The following CAST variants were observed in gnomAD, a reference collection of about 807,000 sequenced individuals.
The protein encoded by CAST is MIR583 host.
CAST carries 76 observed loss-of-function variants against 119.6 expected under a neutral mutation model. That is an observed-to-expected ratio of 0.64 (90% confidence interval 0.53 to 0.77). The LOEUF (loss-of-function observed/expected upper bound fraction) is 0.77, where lower values mean the gene tolerates loss of function less well. Ranked by LOEUF, CAST falls within the 30% of genes least tolerant of loss-of-function variation. The pLI is 0.00. For synonymous variants in CAST, 319 were observed against 331.6 expected, an observed-to-expected ratio of 0.96 and a Z score of 0.41; for missense variants, 953 against 946.5, an observed-to-expected ratio of 1.01 and a Z score of -0.09.
At chr5:96,363,911 A>G in the CAST span, among the ~76,000 whole-genome samples, 1 of 152,168 alleles carries the variant, frequency 6.6e-6, no homozygotes, top group Non-Finnish European at 1.5e-5. Context: ...GTCTTTTGCC[A>G]GTTTTCAAAG....
At chr5:96,142,595 G>A in the CAST span, among the ~76,000 whole-genome samples, 1 of 152,134 alleles carries the variant, frequency 6.6e-6, no homozygotes, top group African/African-American at 2.4e-5. Context: ...ATTATACTAG[G>A]TTGGCACTTC....
chr5:96,457,192 T>C, the CAST span, among the ~76,000 whole-genome samples: 1 of 152,184 alleles, frequency 6.6e-6, no homozygotes, highest in African/African-American at 2.4e-5. Flanking sequence ...TCCTCACATC[T>C]GACTAATTCT....
intron 1 of CAST, among the ~76,000 whole-genome samples, chr5:96,647,083 G>T (rs1748023205): frequency 6.6e-6 from 1 of 152,128 alleles, no homozygotes; most frequent in Admixed American, 6.5e-5. Context: ...GGAACTGCTG[G>T]CATGTTTGTG....
intron 1 of CAST, among the ~76,000 whole-genome samples, chr5:96,641,817 C>G (rs1455511257): frequency 2.0e-5 from 3 of 152,202 alleles, no homozygotes; most frequent in Non-Finnish European, 4.4e-5. Flanking sequence ...TTCCTGCATG[C>G]TCACAAAGCT....
chr5:96,372,018 TA>T, the CAST span, among the ~76,000 whole-genome samples: 4 of 152,222 alleles, frequency 2.6e-5, no homozygotes, highest in African/African-American at 9.6e-5. Context: ...TAACATTTAT[TA>T]AGTACCAATA....
the CAST span, chr5:95,965,339 T>C: frequency 6.6e-6 from 1 of 152,220 alleles, no homozygotes; most frequent in African/African-American, 2.4e-5. Flanking sequence ...TTCTGGACAC[T>C]AAAAAAGTTT....
rs1277088639 is a variant in CAST at position 96,616,216 on chromosome 5, C to T, written c.61-59323C>T. Among the ~76,000 whole-genome samples, 4 of 152,206 alleles carry T rather than the reference C, an allele frequency of 2.6e-5. No homozygotes were observed. The East Asian group carries it at 5.8e-4, about 22-fold the overall frequency. On this transcript the variant is annotated intron_variant, in intron 1 of 11. Coordinates refer to the CAST transcript ENST00000505143. The stretch of plus-strand genomic sequence containing the variant: ...GCATCCTTCAATCCAATCAAGTTGA[C>T]ACTCAGTATTAACCATCACAGTTTA...
the CAST span, among the ~76,000 whole-genome samples, chr5:96,080,755 C>T: frequency 1.3e-5 from 2 of 152,108 alleles, no homozygotes; most frequent in African/African-American, 4.8e-5. Context: ...TGTGGAATGA[C>T]CTTCCCCCTT....
chr5:95,996,969 A>G, the CAST span, among the ~76,000 whole-genome samples: 2 of 152,116 alleles, frequency 1.3e-5, no homozygotes, highest in Non-Finnish European at 2.9e-5. Flanking sequence ...AAGAAATAGT[A>G]AAACAAAAAA....
the CAST span, among the ~76,000 whole-genome samples, chr5:96,253,960 G>A: frequency 7.7e-6 from 1 of 129,128 alleles, no homozygotes; most frequent in Admixed American, 8.4e-5. Flanking sequence ...GTGCCCAGTG[G>A]TTAAAAAAAA....
the CAST span, among the ~76,000 whole-genome samples, chr5:96,167,393 G>A: frequency 5.6e-4 from 85 of 152,244 alleles, no homozygotes; most frequent in Admixed American, 9.8e-4. Flanking sequence ...TTTTTGGGGC[G>A]CAGTCCAAGT....
chr5:96,766,242 A>G (rs1769896476), intron 27 of CAST, 97 bp downstream of exon 27: 1 of 677,152 alleles, frequency 1.5e-6, no homozygotes, highest in Non-Finnish European at 2.6e-6. Flanking sequence ...CCTTTACAAT[A>G]GCATAAAACA....
At chr5:96,603,084 AT>A (rs1315875501) in intron 1 of CAST, among the ~76,000 whole-genome samples, 1 of 152,236 alleles carries the variant, frequency 6.6e-6, no homozygotes, top group Non-Finnish European at 1.5e-5. Flanking sequence ...CAAGGTTTAA[AT>A]TTTGAAATCA....
At chr5:96,425,008 A>AAAAGAAAGAAAAGAAAG in the CAST span, among the ~76,000 whole-genome samples, 1 of 117,518 alleles carries the variant, frequency 8.5e-6, no homozygotes, top group East Asian at 2.6e-4. Context: ...AGAAAGAAAG[A>AAAAGAAAGAAAAGAAAG]AAAGAAAGAA....
chr5:96,038,689 A>G, the CAST span, among the ~76,000 whole-genome samples: 1 of 152,064 alleles, frequency 6.6e-6, no homozygotes, highest in African/African-American at 2.4e-5. Flanking sequence ...TGTCCCTGCA[A>G]AGGACATGAA....
the CAST span, chr5:96,412,362 G>A: frequency 6.2e-7 from 1 of 1,613,936 alleles, no homozygotes; most frequent in African/African-American, 1.3e-5. Flanking sequence ...AGCCGGCCAG[G>A]CCCCTCCACA....
the CAST span, among the ~76,000 whole-genome samples, chr5:96,406,322 G>T: frequency 6.6e-6 from 1 of 152,148 alleles, no homozygotes; most frequent in Non-Finnish European, 1.5e-5. Context: ...ATTTGGATCT[G>T]CTGATGCCAG....
chr5:96,555,221 C>T (rs1357168142), intron 1 of CAST, among the ~76,000 whole-genome samples: 1 of 152,146 alleles, frequency 6.6e-6, no homozygotes. Flanking sequence ...ACTATGCAGC[C>T]ATAAAAATGG....
chr5:96,277,786 C>T, the CAST span, among the ~76,000 whole-genome samples: 1 of 151,262 alleles, frequency 6.6e-6, no homozygotes, highest in African/African-American at 2.4e-5. Context: ...TATGAATGGT[C>T]AACATTAGAA....
Sources: allele counts gnomAD v4.1 joint callset (sites outside exome capture counted in the v4.1 genomes callset), GRCh38; gene constraint gnomAD v4.1.1; transcripts MANE v1.5; gene names NCBI Gene and HGNC (gene_info 2026-07-23, HGNC 2026-07-21).